Variants in RPL27 observed in about 807,000 individuals in gnomAD.
The protein encoded by RPL27 is ribosomal protein L27.
For missense variants in RPL27, 131 were observed against 174.3 expected, an observed-to-expected ratio of 0.75 and a Z score of 1.40; for synonymous variants, 77 against 61.0, an observed-to-expected ratio of 1.26 and a Z score of -1.22.
rs1331206032 is a variant in RPL27 at position 43,001,947 on chromosome 17, C to T, written c.252-726C>T. Among the ~76,000 whole-genome samples, 5 of 149,474 alleles carry T rather than the reference C, an allele frequency of 3.3e-5. No homozygotes were observed. In the East Asian group the frequency reaches 6.0e-4, roughly 18 times the overall value. On this transcript the variant is annotated intron_variant, in intron 3 of 4. Transcript: ENST00000253788. ...TCTACTGAAAGTACAAAAAATTAGC[C>T]AGGCATGGTGGCAGGCGCCTGTAGT...
rs544107426 is a variant in RPL27 at position 42,999,463 on chromosome 17, A to T, written c.82-470A>T. On this transcript the variant is annotated intron_variant, in intron 2 of 4. Coordinates refer to ENST00000253788, the MANE Select transcript of RPL27 (RefSeq NM_000988.5). ...GTTTTCCTCTTATCCATGATTTTGTAGCTTCTTGAGAGAGTTCCCTAGGCT... is the reference window on the plus strand; with the variant it reads ...GTTTTCCTCTTATCCATGATTTTGTTGCTTCTTGAGAGAGTTCCCTAGGCT... The T allele has an allele frequency of 3.1e-3, 487 of 156,026 alleles. 2 individuals are homozygous for T. Among genetic ancestry groups the T allele is most frequent in the Non-Finnish European group, 5.7e-3 (399 of 70,390 alleles). 9.7% of individuals were successfully genotyped at this position (156,026 alleles called of 1,614,324 possible).
rs772548198 is a variant in RPL27 at position 42,998,901 on chromosome 17, T to C, written c.81+70T>C. On this transcript the variant is annotated intron_variant, in intron 2 of 4. Transcript: ENST00000253788. ...GCTGGCTGCGGCGGGGCGGGCAGGCTTGGAATTCAAGGCCTGTTTCTGGGG... is the reference window on the plus strand; with the variant it reads ...GCTGGCTGCGGCGGGGCGGGCAGGCCTGGAATTCAAGGCCTGTTTCTGGGG... 11 of 1,330,498 alleles carry C rather than the reference T, an allele frequency of 8.3e-6. No individual in the cohort carries two copies. The South Asian group carries it at 1.3e-4, about 16-fold the overall frequency. The allele number at this position is 1,330,498 out of a possible 1,614,324, so 82.4% of individuals were successfully genotyped here.
In RPL27 at chr17:42,998,487, G is replaced by C. The variant is rs945745536; in HGVS notation, c.-3+16G>C. On this transcript the variant is annotated intron_variant, in intron 1 of 4. Coordinates refer to ENST00000253788, the MANE Select transcript of RPL27 (RefSeq NM_000988.5). ...GTTGCTGCCGGTAAGTAGAAGCTTGGGTTGAATCTTTCAATCCGCTGCCAT... is the reference window on the plus strand; with the variant it reads ...GTTGCTGCCGGTAAGTAGAAGCTTGCGTTGAATCTTTCAATCCGCTGCCAT... 2.7e-6 allele frequency: 1 copy of C among 366,642 alleles called. No individual in the cohort carries two copies. The highest frequency in any genetic ancestry group is 5.0e-6 in the Non-Finnish European group (1 of 198,678). The allele number at this position is 366,642 out of a possible 1,614,324, so 22.7% of individuals were successfully genotyped here.
rs750795514 is a variant in RPL27 at position 43,000,067 on chromosome 17, G to A, written c.216G>A (p.Val72=). ...AGAGATCAAAGATAAAATCTTTTGT[G>A]AAAGTGTATAACTACAATCACCTAA... The part of the protein sequence containing the change: ...IAKRSKIKSF[V]KVYNYNHLMP... Residue 72 remains valine (V), a synonymous_variant, in exon 3 of 5, where the codon GTG becomes GTA. Transcript: ENST00000253788. The A allele has an allele frequency of 6.2e-7, 1 of 1,613,170 alleles. No individual in the cohort carries two copies. The highest frequency in any genetic ancestry group is 1.1e-5 in the South Asian group (1 of 91,046).
At chr17:42,998,501 A>G (rs2050323515) in intron 1 of RPL27, 30 bp downstream of exon 1, 3 of 389,360 alleles carry the variant, frequency 7.7e-6, no homozygotes, top group South Asian at 2.8e-5. Flanking sequence ...GAATCTTTCA[A>G]TCCGCTGCCA....
At chr17:43,000,130 A>C (rs778943547) in intron 3 of RPL27, 28 bp downstream of exon 3, 8 of 1,564,006 alleles carry the variant, frequency 5.1e-6, no homozygotes, top group Non-Finnish European at 7.0e-6. Context: ...TAGAATTTAA[A>C]TTTCTTCTCC....
chr17:43,000,044 A>G lies in RPL27; in HGVS notation c.193A>G (p.Arg65Gly). ...CATGGGCAAGAAGAAGATCGCCAAGAGATCAAAGATAAAATCTTTTGTGAA... is the reference window on the plus strand; with the variant it reads ...CATGGGCAAGAAGAAGATCGCCAAGGGATCAAAGATAAAATCTTTTGTGAA... Reference protein sequence around the residue: ...AAMGKKKIAKRSKIKSFVKVY... With the variant: ...AAMGKKKIAKGSKIKSFVKVY... Residue 65 changes from arginine (R) to glycine (G), a missense_variant, in exon 3 of 5, where the codon AGA becomes GGA. Coordinates refer to ENST00000253788, the MANE Select transcript of RPL27 (RefSeq NM_000988.5). The G allele has an allele frequency of 6.2e-7, 1 of 1,613,092 alleles. No individual in the cohort carries two copies. Among genetic ancestry groups the G allele is most frequent in the Non-Finnish European group, 8.5e-7 (1 of 1,179,932 alleles).
chr17:43,002,857 T>C lies in RPL27; in HGVS notation c.363-15T>C. On this transcript the variant is annotated splice_polypyrimidine_tract_variant and intron_variant, in intron 4 of 4. Coordinates refer to ENST00000253788, the MANE Select transcript of RPL27 (RefSeq NM_000988.5). The stretch of plus-strand genomic sequence containing the variant: ...ATTCCTTTCCTCATTGGTGTCCTCT[T>C]TTTTTCCCTTCTAGATACAAGACAG... 6.2e-7 allele frequency: 1 copy of C among 1,613,498 alleles called. No homozygotes were observed. The highest frequency in any genetic ancestry group is 1.1e-5 in the South Asian group (1 of 91,066).
In RPL27 at chr17:42,998,851, C is replaced by T; in HGVS notation, c.81+20C>T. 5 of 1,607,684 alleles carry T rather than the reference C, an allele frequency of 3.1e-6. No homozygotes were observed. The South Asian group carries it at 3.3e-5, about 11-fold the overall frequency. On this transcript the variant is annotated intron_variant, in intron 2 of 4. Coordinates refer to ENST00000253788, the MANE Select transcript of RPL27 (RefSeq NM_000988.5). ...GTGAAGGTATCAGCCTCGCGGGACT[C>T]TGCGTCCTTGCATGCCGGGACCAGG...
At chr17:43,001,084 C>A (rs1163481629) in intron 3 of RPL27, among the ~76,000 whole-genome samples, 1 of 152,036 alleles carries the variant, frequency 6.6e-6, no homozygotes, top group South Asian at 2.1e-4. Context: ...TGGCTCACGC[C>A]TACAATCCCA....
intron 3 of RPL27, among the ~76,000 whole-genome samples, chr17:43,000,542 A>G (rs1555570158): frequency 2.1e-5 from 3 of 145,628 alleles, no homozygotes; most frequent in Non-Finnish European, 4.5e-5. Context: ...ATCTCACACC[A>G]TTCTTCTGCC....
At chr17:43,000,164 G>A in intron 3 of RPL27, 62 bp downstream of exon 3, 1 of 1,294,656 alleles carries the variant, frequency 7.7e-7, no homozygotes, top group Non-Finnish European at 1.1e-6. Flanking sequence ...TAATGAGACA[G>A]ACCTTGCAGC....
At chr17:43,001,879 C>T (rs921039097) in intron 3 of RPL27, among the ~76,000 whole-genome samples, 1 of 151,676 alleles carries the variant, frequency 6.6e-6, no homozygotes, top group East Asian at 1.9e-4. Context: ...ATCACGAGAT[C>T]AGGAGATCGA....
intron 3 of RPL27, among the ~76,000 whole-genome samples, chr17:43,000,337 C>T (rs768695974): frequency 1.3e-5 from 2 of 152,188 alleles, no homozygotes; most frequent in Non-Finnish European, 2.9e-5. Context: ...TGCCCTCTTC[C>T]ACTGTTCCAC....
rs760261739 is a variant in RPL27 at position 42,998,914 on chromosome 17, C to T, written c.81+83C>T. 3.5e-6 allele frequency: 4 copies of T among 1,128,074 alleles called. No homozygotes were observed. In the South Asian group the frequency reaches 5.1e-5, roughly 14 times the overall value. 69.9% of individuals were successfully genotyped at this position (1,128,074 alleles called of 1,614,324 possible). A position where few individuals can be genotyped will look rare whatever the true frequency, so the allele number is the denominator to read the frequency against. ...GGGCGGGCAGGCTTGGAATTCAAGG[C>T]CTGTTTCTGGGGCAGTAGCCAGTGA... On this transcript the variant is annotated intron_variant, in intron 2 of 4. Coordinates refer to ENST00000253788, the MANE Select transcript of RPL27 (RefSeq NM_000988.5).
At chr17:42,998,669 G>T in intron 1 of RPL27, 80 bp from the exon 2 acceptor site, 1 of 1,115,042 alleles carries the variant, frequency 9.0e-7, no homozygotes, top group Non-Finnish European at 1.4e-6. Flanking sequence ...CCCAAGACCT[G>T]GGCTTGCTGG....
chr17:43,002,544 G>C (rs1313594848), intron 3 of RPL27, 129 bp from the exon 4 acceptor site: 1 of 654,384 alleles, frequency 1.5e-6, no homozygotes, highest in Non-Finnish European at 2.8e-6. Context: ...TAATGTCATC[G>C]GGACATGGCT....
intron 2 of RPL27, chr17:42,999,701 G>A: frequency 2.0e-6 from 1 of 509,070 alleles, no homozygotes; most frequent in Non-Finnish European, 3.5e-6. Flanking sequence ...GTTAACTGTT[G>A]CTACTTTTAA....
intron 3 of RPL27, 124 bp from the exon 4 acceptor site, chr17:43,002,549 A>G: frequency 1.0e-5 from 7 of 672,098 alleles, no homozygotes; most frequent in South Asian, 1.7e-5. Context: ...TCATCGGGAC[A>G]TGGCTTTTGA....
Sources: gnomAD v4.1 joint callset for allele counts (sites outside exome capture counted in the v4.1 genomes callset) on GRCh38, gnomAD v4.1.1 for gene constraint, MANE v1.5 for transcripts, NCBI Gene and HGNC (gene_info 2026-07-23, HGNC 2026-07-21) for gene names.